COL28A1: variants seen among roughly 807,000 people sequenced by gnomAD.
The protein encoded by COL28A1 is collagen alpha-1(XXVIII) chain.
In COL28A1, 161 loss-of-function variants were observed where a neutral mutation model predicts 150.2. The ratio of observed to expected loss-of-function variants is 1.07; its 90% CI spans 0.94 to 1.22. COL28A1 has a LOEUF of 1.22. Ranked by LOEUF, COL28A1 falls within the 50% of genes most tolerant of loss-of-function variation. The probability of loss-of-function intolerance (pLI) is 0.00; values close to 1 mark genes in which losing one functional copy is unlikely to be tolerated. For missense variants in COL28A1, 1,617 were observed against 1,388.3 expected (o/e 1.16, Z -2.62); for synonymous variants, 552 against 469.7 (o/e 1.18, Z -2.26).
At chr7:7,364,229 G>C (rs534144346) in intron 33 of COL28A1, among the ~76,000 whole-genome samples, 2 of 152,140 alleles carry the variant, frequency 1.3e-5, no homozygotes, top group Non-Finnish European at 2.9e-5. Context: ...AACAGAATAT[G>C]CCTCCCAAAA....
intron 27 of COL28A1, among the ~76,000 whole-genome samples, chr7:7,382,239 G>A (rs1213239593): frequency 6.6e-6 from 1 of 151,894 alleles, no homozygotes; most frequent in Non-Finnish European, 1.5e-5. Flanking sequence ...GAACCCAGGA[G>A]GCAGAGGTTG....
the COL28A1 span, among the ~76,000 whole-genome samples, chr7:7,348,750 A>G: frequency 1.9e-4 from 29 of 151,718 alleles, no homozygotes; most frequent in Non-Finnish European, 3.5e-4. Context: ...GGTGCTATAA[A>G]TTTCCTTCTA....
intron 27 of COL28A1, among the ~76,000 whole-genome samples, chr7:7,384,501 C>T (rs1782069794): frequency 6.6e-6 from 1 of 152,192 alleles, no homozygotes; most frequent in East Asian, 1.9e-4. Flanking sequence ...AGACCACATT[C>T]ACATAACTTT....
intron 25 of COL28A1, among the ~76,000 whole-genome samples, chr7:7,429,135 C>T (rs1166639017): frequency 6.6e-6 from 1 of 152,096 alleles, no homozygotes; most frequent in Non-Finnish European, 1.5e-5. Flanking sequence ...TAAGTTAATG[C>T]CTTAAGGCCA....
intron 4 of COL28A1, among the ~76,000 whole-genome samples, chr7:7,523,413 C>A (rs1369317392): frequency 6.6e-6 from 1 of 151,842 alleles, no homozygotes; most frequent in Non-Finnish European, 1.5e-5. Context: ...CTGCCTCGGC[C>A]TCCCAAACTG....
chr7:7,461,792 T>A (rs1011122964), intron 15 of COL28A1, among the ~76,000 whole-genome samples: 2 of 152,116 alleles, frequency 1.3e-5, no homozygotes, highest in African/African-American at 4.8e-5. Flanking sequence ...CGCCTAATGG[T>A]CCTTCCCTAT....
At chr7:7,484,346 C>G (rs1372883148) in intron 13 of COL28A1, among the ~76,000 whole-genome samples, 1 of 151,958 alleles carries the variant, frequency 6.6e-6, no homozygotes, top group Non-Finnish European at 1.5e-5. Context: ...GCAAACTAAA[C>G]AATGGCATTT....
rs745676716 is a variant in COL28A1 at position 7,505,977 on chromosome 7, G to A, written c.1026+37C>T. On this transcript the variant is annotated intron_variant, in intron 11 of 34. Coordinates refer to ENST00000399429, the MANE Select transcript of COL28A1 (RefSeq NM_001037763.3). ...CATTACTATAGCGCACTAGGGGAAA[G>A]GCACTCTGCCTGTCTTTAATCAAAG... 86 of 959,016 alleles carry A rather than the reference G, an allele frequency of 9.0e-5. No individual in the cohort carries two copies. The East Asian group carries it at 2.0e-3, about 23-fold the overall frequency. The allele number at this position is 959,016 out of a possible 1,614,324, so 59.4% of individuals were successfully genotyped here.
At chr7:7,505,951 A>G in intron 11 of COL28A1, 63 bp downstream of exon 11, 2 of 849,618 alleles carry the variant, frequency 2.4e-6, no homozygotes, top group Non-Finnish European at 4.1e-6. Context: ...AATAAAACAT[A>G]CATTACTATA....
chr7:7,366,070 C>T (rs1006659740), intron 33 of COL28A1, among the ~76,000 whole-genome samples: 2 of 152,110 alleles, frequency 1.3e-5, no homozygotes, highest in African/African-American at 2.4e-5. Context: ...GTAAAATAGC[C>T]TGCATTCTGG....
rs567030132 is a variant in COL28A1, at chr7:7,462,730, A to G, written c.1303-6618T>C. 4.7e-3 allele frequency among the ~76,000 whole-genome samples: 712 copies of G among 152,202 alleles called. 5 individuals are homozygous for G. Among genetic ancestry groups the G allele is most frequent in the Non-Finnish European group, 7.9e-3 (537 of 67,982 alleles). ...AAAAATTAGCCGGGCGTGGTGGCAC[A>G]TGCCTGTAATCCCAGCTACTGGGGA... On this transcript the variant is annotated intron_variant, in intron 15 of 34. Coordinates refer to ENST00000399429, the MANE Select transcript of COL28A1 (RefSeq NM_001037763.3).
chr7:7,453,555 T>G (rs1310034112), intron 16 of COL28A1, 47 bp from the exon 17 acceptor site: 1 of 843,128 alleles, frequency 1.2e-6, no homozygotes, highest in Non-Finnish European at 2.0e-6. Context: ...ATGAAGTAGT[T>G]TCAAATCCTC....
At chr7:7,450,048 CAAG>C (rs1275957121) in intron 18 of COL28A1, among the ~76,000 whole-genome samples, 1 of 151,942 alleles carries the variant, frequency 6.6e-6, no homozygotes, top group African/African-American at 2.4e-5. Flanking sequence ...ATAATCAAGA[CAAG>C]GAGGTAATAG....
At chr7:7,428,545 C>G in intron 25 of COL28A1, among the ~76,000 whole-genome samples, 1 of 152,180 alleles carries the variant, frequency 6.6e-6, no homozygotes, top group Non-Finnish European at 1.5e-5. Context: ...TGCAGCTCCT[C>G]GAAGAGAAAT....
chr7:7,460,151 T>G lies in COL28A1; in HGVS notation c.1303-4039A>C, dbSNP rs117215692. 2.7e-3 allele frequency among the ~76,000 whole-genome samples: 413 copies of G among 152,326 alleles called. 3 individuals are homozygous for G. The East Asian group carries it at 0.033, about 12-fold the overall frequency. On this transcript the variant is annotated intron_variant, in intron 15 of 34. Transcript: ENST00000399429. Reference sequence around the variant, plus strand: ...CAAGTGCAAATCCTATGAAATATCTTTCATCCTCTTCCTGAGTCACTGTAG... The same window carrying G: ...CAAGTGCAAATCCTATGAAATATCTGTCATCCTCTTCCTGAGTCACTGTAG...
chr7:7,369,171 A>T (rs989787446), intron 33 of COL28A1, among the ~76,000 whole-genome samples: 6 of 152,166 alleles, frequency 3.9e-5, no homozygotes, highest in African/African-American at 1.2e-4. Flanking sequence ...ATTGACTAGG[A>T]GAGGGACAAA....
At chr7:7,493,147 C>T (rs1208884541) in intron 11 of COL28A1, among the ~76,000 whole-genome samples, 2 of 150,962 alleles carry the variant, frequency 1.3e-5, no homozygotes, top group African/African-American at 4.9e-5. Context: ...AATAACAATA[C>T]AAGGCCCTAA....
At chr7:7,361,727 C>T (rs1027517105) in intron 33 of COL28A1, among the ~76,000 whole-genome samples, 44 of 151,882 alleles carry the variant, frequency 2.9e-4, no homozygotes, top group Admixed American at 1.2e-3. Flanking sequence ...TAAAGACACA[C>T]GCACACATAT....
In COL28A1 at chr7:7,511,082, G is replaced by T; in HGVS notation, c.927+9C>A. ...ACAGCTGTAAGCAGTTTAAAAACAT[G>T]TTCCTTACCTTGTCACCTTTTATCC... is the stretch of plus-strand genomic sequence containing the variant. On this transcript the variant is annotated intron_variant, in intron 9 of 34. Transcript: ENST00000399429. 7.4e-6 allele frequency: 12 copies of T among 1,611,906 alleles called. No individual in the cohort carries two copies. The highest frequency in any genetic ancestry group is 1.0e-5 in the Non-Finnish European group (12 of 1,178,218).
Sources: allele counts gnomAD v4.1 joint callset (sites outside exome capture counted in the v4.1 genomes callset), GRCh38; gene constraint gnomAD v4.1.1; transcripts MANE v1.5; gene names NCBI Gene and HGNC (gene_info 2026-07-23, HGNC 2026-07-21).